The following MACF1 variants were observed in gnomAD, a reference collection of about 807,000 sequenced individuals.
MACF1 encodes microtubule actin crosslinking factor 1.
Under a neutral mutation model 854.8 loss-of-function variants are expected in MACF1, and 193 were observed. The ratio of observed to expected loss-of-function variants is 0.23; its 90% confidence interval spans 0.20 to 0.25. MACF1 has a LOEUF of 0.25. Among genes scored for constraint, MACF1 ranks in the 10% least tolerant of loss-of-function variants. The pLI, the probability that MACF1 is intolerant of heterozygous loss-of-function variation, is 1.00. For synonymous variants in MACF1, 3,185 were observed against 3,226.7 expected (o/e 0.99, Z 0.44); for missense variants, 7,722 against 8,929.1 (o/e 0.86, Z 5.45).
intron 2 of MACF1, among the ~76,000 whole-genome samples, chr1:39,145,734 CTG>C (rs887613014): frequency 4.6e-5 from 7 of 152,196 alleles, no homozygotes; most frequent in African/African-American, 7.2e-5. Context: ...CCTTCCCTGA[CTG>C]TGTGCTATCT....
intron 79 of MACF1, 35 bp from the exon 80 acceptor site, chr1:39,444,627 C>A (rs148361821): frequency 4.4e-6 from 7 of 1,577,584 alleles, no homozygotes; most frequent in Non-Finnish European, 6.1e-6. Flanking sequence ...CCAGAGAATT[C>A]GTAGAATTGA....
chr1:39,358,027 G>C, intron 45 of MACF1, 134 bp downstream of exon 45: 1 of 932,318 alleles, frequency 1.1e-6, no homozygotes, highest in South Asian at 1.8e-5. Flanking sequence ...ACCATGGGCA[G>C]AAGGTCTTCA....
rs377764527 is a variant in MACF1 at position 39,447,912 on chromosome 1, G to T, written c.19968+14G>T. On this transcript the variant is annotated intron_variant, in intron 82 of 100. Transcript: ENST00000564288. Reference sequence around the variant, plus strand: ...CGGGCAAAACAAGTAAGTTGGGGAAGAAAGATACTAATTCACTGAAGAGTC... The same window carrying T: ...CGGGCAAAACAAGTAAGTTGGGGAATAAAGATACTAATTCACTGAAGAGTC... 62 of 1,613,556 alleles carry T rather than the reference G, an allele frequency of 3.8e-5. No homozygotes were observed. Among genetic ancestry groups the T allele is most frequent in the African/African-American group, 1.2e-4 (9 of 74,908 alleles).
chr1:39,318,147 T>G (rs1646448881), intron 29 of MACF1, among the ~76,000 whole-genome samples: 1 of 152,164 alleles, frequency 6.6e-6, no homozygotes, highest in Admixed American at 6.5e-5. Context: ...TACTACCTTA[T>G]TGGTCACCCT....
intron 2 of MACF1, among the ~76,000 whole-genome samples, chr1:39,119,148 G>A (rs992237032): frequency 1.2e-4 from 18 of 151,936 alleles, no homozygotes; most frequent in African/African-American, 3.9e-4. Flanking sequence ...GAGAAACCCC[G>A]TCTGTACTAA....
intron 6 of MACF1, among the ~76,000 whole-genome samples, chr1:39,259,665 C>CG (rs1645136761): frequency 6.6e-6 from 1 of 151,380 alleles, no homozygotes; most frequent in Non-Finnish European, 1.5e-5. Flanking sequence ...TCTTGTTGCC[C>CG]GGGCTAGAGT....
Position 39,336,236 on chromosome 1 carries a change from A to G in MACF1, c.9648A>G (p.Lys3216=). 2 of 1,614,110 alleles carry G rather than the reference A, an allele frequency of 1.2e-6. No individual in the cohort carries two copies. Among genetic ancestry groups the G allele is most frequent in the Non-Finnish European group, 1.7e-6 (2 of 1,180,000 alleles). Reference sequence around the variant, plus strand: ...AAGACCTTCATCATCAGGGCAGCAAAAGTGATGATAAACTTTGTGGAACTC... The same window carrying G: ...AAGACCTTCATCATCAGGGCAGCAAGAGTGATGATAAACTTTGTGGAACTC... ...DRKDLHHQGS[K]SDDKLCGTLK... Residue 3216 remains lysine (K), a synonymous_variant, in exon 37 of 101, where the codon AAA becomes AAG. Transcript: ENST00000564288.
intron 2 of MACF1, among the ~76,000 whole-genome samples, chr1:39,190,399 TTG>T (rs1491039192): frequency 2.0e-3 from 252 of 123,714 alleles, no homozygotes; most frequent in African/African-American, 7.2e-3. Context: ...GTGTTTGTTT[TTG>T]TTTTTTTTTT....
intron 2 of MACF1, among the ~76,000 whole-genome samples, chr1:39,109,715 T>C (rs1281948737): frequency 6.6e-6 from 1 of 152,154 alleles, no homozygotes; most frequent in Non-Finnish European, 1.5e-5. Context: ...CACAGATGAA[T>C]AAATTTAGGC....
intron 1 of MACF1, among the ~76,000 whole-genome samples, chr1:39,219,112 A>G (rs1644617004): frequency 6.6e-6 from 1 of 152,218 alleles, no homozygotes; most frequent in Non-Finnish European, 1.5e-5. Context: ...TTTGCATTGA[A>G]GCTTCTACAG....
At chr1:39,197,001 G>C (rs1644328106) in intron 2 of MACF1, among the ~76,000 whole-genome samples, 1 of 152,166 alleles carries the variant, frequency 6.6e-6, no homozygotes, top group South Asian at 2.1e-4. Flanking sequence ...TTGGCTGTTA[G>C]TAAGGGATAT....
At chr1:39,320,649 A>G (rs1277617606) in intron 31 of MACF1, among the ~76,000 whole-genome samples, 2 of 152,070 alleles carry the variant, frequency 1.3e-5, no homozygotes, top group African/African-American at 2.4e-5. Flanking sequence ...GCTCTCCCCT[A>G]TTTCTCTTAG....
chr1:39,151,290 G>C (rs1643572242), intron 2 of MACF1, among the ~76,000 whole-genome samples: 1 of 152,094 alleles, frequency 6.6e-6, no homozygotes, highest in Non-Finnish European at 1.5e-5. Context: ...CCTTTGTTTT[G>C]ATAACAGTAG....
chr1:39,434,103 T>C (rs1375948156), intron 68 of MACF1, among the ~76,000 whole-genome samples: 1 of 152,040 alleles, frequency 6.6e-6, no homozygotes, highest in Non-Finnish European at 1.5e-5. Flanking sequence ...ATAATAATAA[T>C]GCTATATCTA....
chr1:39,448,133 T>C lies in MACF1; in HGVS notation c.20069T>C (p.Leu6690Pro), dbSNP rs1196924860. 22 of 1,613,982 alleles carry C rather than the reference T, an allele frequency of 1.4e-5. No homozygotes were observed. The highest frequency in any genetic ancestry group is 1.8e-5 in the Non-Finnish European group (21 of 1,179,996). ...EISNDPDKIK[L>P]QLSKHKEFQK... ...TCCAATGACCCAGACAAAATTAAACTTCAGCTTTCTAAGCATAAGGTAAAG... is the reference window on the plus strand; with the variant it reads ...TCCAATGACCCAGACAAAATTAAACCTCAGCTTTCTAAGCATAAGGTAAAG... The change falls in exon 83 of 101, where the codon CTT becomes CCT. Residue 6690 changes from leucine to proline, a missense_variant. By Grantham distance (98) the Leu-to-Pro change is moderately conservative. Transcript: ENST00000564288.
intron 2 of MACF1, among the ~76,000 whole-genome samples, chr1:39,242,085 C>T (rs567778722): frequency 5.9e-5 from 9 of 152,296 alleles, no homozygotes; most frequent in South Asian, 2.1e-4. Flanking sequence ...GCAGTGCTCA[C>T]GCCTGTAATC....
chr1:39,444,733 T>G lies in MACF1; in HGVS notation c.19503T>G (p.Leu6501=). The G allele has an allele frequency of 2.5e-6, 4 of 1,614,178 alleles. No homozygotes were observed. The highest frequency in any genetic ancestry group is 2.5e-6 in the Non-Finnish European group (3 of 1,180,000). Residue 6501 remains leucine (L), a synonymous_variant, in exon 80 of 101, where the codon CTT becomes CTG. Coordinates refer to ENST00000564288, the MANE Select transcript of MACF1 (RefSeq NM_001394062.1). ...NQLLDKGRLM[L]LSRDDSGSGS... ...TACTTGACAAGGGCAGACTCATGCT[T>G]CTAAGCCGTGACGACTCTGGGTCTG...
At chr1:39,262,337 G>C (rs1374602312) in intron 6 of MACF1, among the ~76,000 whole-genome samples, 4 of 141,464 alleles carry the variant, frequency 2.8e-5, no homozygotes, top group Non-Finnish European at 6.0e-5. Flanking sequence ...GGAGGTGGAG[G>C]CTGCAGTGAG....
intron 6 of MACF1, among the ~76,000 whole-genome samples, chr1:39,277,806 CTG>C (rs955907711): frequency 2.0e-5 from 3 of 152,130 alleles, no homozygotes; most frequent in African/African-American, 7.2e-5. Context: ...AGGCCTGAGG[CTG>C]TGTTTTTTTA....
Sources: allele counts gnomAD v4.1 joint callset (sites outside exome capture counted in the v4.1 genomes callset), GRCh38; gene constraint gnomAD v4.1.1; transcripts MANE v1.5; gene names NCBI Gene and HGNC (gene_info 2026-07-23, HGNC 2026-07-21).